Variants in ALOX5 observed in about 807,000 individuals in gnomAD.
ALOX5 encodes the protein polyunsaturated fatty acid 5-lipoxygenase.
A neutral mutation model predicts 87.9 loss-of-function variants in ALOX5; 64 were observed. That is an observed-to-expected ratio of 0.73 (90% CI 0.60 to 0.90). ALOX5 has a LOEUF of 0.90. Ranked by LOEUF, ALOX5 falls within the 40% of genes least tolerant of loss-of-function variation. The pLI, the probability that ALOX5 is intolerant of heterozygous loss-of-function variation, is 0.00. For missense variants in ALOX5, 822 were observed against 907.5 expected, an observed-to-expected ratio of 0.91 and a Z score of 1.21; for synonymous variants, 388 against 355.1, an observed-to-expected ratio of 1.09 and a Z score of -1.04.
chr10:45,426,033 C>T (rs1258044554), intron 6 of ALOX5, among the ~76,000 whole-genome samples: 1 of 152,208 alleles, frequency 6.6e-6, no homozygotes, highest in Non-Finnish European at 1.5e-5. Context: ...CCTCCTCCTC[C>T]TCCTGCACCC....
chr10:45,389,083 A>G (rs940211196), intron 2 of ALOX5, among the ~76,000 whole-genome samples: 4 of 152,244 alleles, frequency 2.6e-5, no homozygotes, highest in African/African-American at 9.6e-5. Flanking sequence ...AACTGTAAGA[A>G]AGGGTATCAG....
At chr10:45,379,614 G>A (rs11239495) in intron 1 of ALOX5, among the ~76,000 whole-genome samples, 2,453 of 152,324 alleles carry the variant, frequency 0.016, 64 homozygotes, top group African/African-American at 0.057. Flanking sequence ...GCTCACAGGC[G>A]GTGTGGGGCC....
At chr10:45,410,035 A>G (rs1231125751) in intron 3 of ALOX5, among the ~76,000 whole-genome samples, 1 of 152,254 alleles carries the variant, frequency 6.6e-6, no homozygotes, top group East Asian at 1.9e-4. Flanking sequence ...CAAGTGGACT[A>G]TTCACTTAAG....
chr10:45,443,651 A>T lies in ALOX5; in HGVS notation c.1574-77A>T. 1.9e-6 allele frequency: 3 copies of T among 1,591,078 alleles called. No individual in the cohort carries two copies. The South Asian group carries it at 3.4e-5, about 18-fold the overall frequency. On this transcript the variant is annotated intron_variant, in intron 11 of 13. Coordinates refer to ENST00000374391, the MANE Select transcript of ALOX5 (RefSeq NM_000698.5). Reference sequence around the variant, plus strand: ...GGTGCCCTCCGGCCTTGGGGCAGGGAATCCGGGCACGGGGTGGGCGCCGGG... The same window carrying T: ...GGTGCCCTCCGGCCTTGGGGCAGGGTATCCGGGCACGGGGTGGGCGCCGGG...
chr10:45,389,027 C>T (rs1386244028), intron 2 of ALOX5, among the ~76,000 whole-genome samples: 3 of 152,124 alleles, frequency 2.0e-5, no homozygotes, highest in South Asian at 2.1e-4. Flanking sequence ...AAACATGGCA[C>T]GAGAACTATG....
At chr10:45,445,020 C>A (rs1403568385) in intron 13 of ALOX5, among the ~76,000 whole-genome samples, 3 of 152,214 alleles carry the variant, frequency 2.0e-5, no homozygotes, top group Non-Finnish European at 4.4e-5. Flanking sequence ...CTAGCTCTGC[C>A]CCGCAGACAT....
At chr10:45,427,607 C>A (rs1047681697) in intron 6 of ALOX5, among the ~76,000 whole-genome samples, 8 of 152,348 alleles carry the variant, frequency 5.3e-5, no homozygotes. Context: ...TCTGGGATGT[C>A]TCCAGGCAGA....
intron 9 of ALOX5, 113 bp downstream of exon 9, chr10:45,441,543 G>T: frequency 9.1e-7 from 1 of 1,096,394 alleles, no homozygotes; most frequent in East Asian, 2.4e-5. Flanking sequence ...GAAGGCTGGA[G>T]TCTGCTCAGA....
chr10:45,415,657 A>G (rs1402811266), intron 4 of ALOX5, among the ~76,000 whole-genome samples: 1 of 152,190 alleles, frequency 6.6e-6, no homozygotes, highest in African/African-American at 2.4e-5. Context: ...TTTTCCGAAG[A>G]TGTCTTTAAG....
chr10:45,441,268 G>A, intron 8 of ALOX5, 76 bp from the exon 9 acceptor site: 12 of 1,311,194 alleles, frequency 9.2e-6, no homozygotes, highest in Non-Finnish European at 1.2e-5. Flanking sequence ...GGCCTGGGTG[G>A]GGGAGCTGCG....
chr10:45,412,541 A>C (rs897668359), intron 4 of ALOX5, among the ~76,000 whole-genome samples: 6 of 152,140 alleles, frequency 3.9e-5, no homozygotes, highest in African/African-American at 1.4e-4. Flanking sequence ...CCAGACATAC[A>C]TGTGTTTTTG....
chr10:45,437,572 CTTGTACTTTAACCAAGATAT>C (rs1179409026), intron 7 of ALOX5, among the ~76,000 whole-genome samples: 35 of 152,140 alleles, frequency 2.3e-4, no homozygotes, highest in African/African-American at 8.2e-4. Flanking sequence ...ATTCTATGTC[CTTGTACTTTAACCAAGATAT>C]TTGTGCTGGA....
intron 2 of ALOX5, among the ~76,000 whole-genome samples, chr10:45,392,718 A>C (rs564729292): frequency 1.2e-4 from 18 of 151,722 alleles, no homozygotes; most frequent in South Asian, 6.2e-4. Context: ...AAAAAAAGAA[A>C]AAAAAAAGAA....
chr10:45,405,699 T>C (rs1367824352), intron 3 of ALOX5, among the ~76,000 whole-genome samples: 1 of 152,078 alleles, frequency 6.6e-6, no homozygotes, highest in Non-Finnish European at 1.5e-5. Context: ...CTAATACTTT[T>C]ATAATTTCCC....
chr10:45,374,886 C>T (rs947354519), intron 1 of ALOX5, among the ~76,000 whole-genome samples: 3 of 152,170 alleles, frequency 2.0e-5, no homozygotes, highest in African/African-American at 4.8e-5. Context: ...TCTGAGGGCA[C>T]CTCGGAGCAG....
At chr10:45,376,855 C>T (rs530796993) in intron 1 of ALOX5, among the ~76,000 whole-genome samples, 2 of 152,178 alleles carry the variant, frequency 1.3e-5, no homozygotes, top group Non-Finnish European at 2.9e-5. Flanking sequence ...ATCCTATAAA[C>T]GGTTGTGTCT....
intron 2 of ALOX5, 43 bp from the exon 3 acceptor site, chr10:45,395,812 T>C (rs753234244): frequency 8.9e-6 from 14 of 1,578,042 alleles, no homozygotes; most frequent in East Asian, 4.5e-5. Context: ...GGCATTGTTA[T>C]TGTTCTTCCT....
chr10:45,443,320 G>A (rs1256786713), intron 10 of ALOX5, 96 bp from the exon 11 acceptor site: 1 of 1,583,784 alleles, frequency 6.3e-7, no homozygotes, highest in Non-Finnish European at 8.6e-7. Context: ...ATGGGGACGG[G>A]GTGGGGGAGT....
chr10:45,435,095 G>A (rs899215133), intron 7 of ALOX5, among the ~76,000 whole-genome samples: 6 of 152,194 alleles, frequency 3.9e-5, no homozygotes. Context: ...GGATGTGAAG[G>A]ATGGGTTGGG....
Sources: gnomAD v4.1 joint callset for allele counts (sites outside exome capture counted in the v4.1 genomes callset) on GRCh38, gnomAD v4.1.1 for gene constraint, MANE v1.5 for transcripts, NCBI Gene and HGNC (gene_info 2026-07-23, HGNC 2026-07-21) for gene names.